The following ZFYVE28 variants were observed in gnomAD, a reference collection of about 807,000 sequenced individuals.
The protein encoded by ZFYVE28 is zinc finger FYVE-type containing 28, also known as lateral signaling target protein 2 homolog.
ZFYVE28 carries 40 observed loss-of-function variants against 82.1 expected under a neutral mutation model. The observed-to-expected ratio is 0.49, with a 90% CI of 0.38 to 0.63. The LOEUF (loss-of-function observed/expected upper bound fraction) is 0.63. Ranked by LOEUF, ZFYVE28 falls within the 30% of genes least tolerant of loss-of-function variation. The pLI, the probability that ZFYVE28 is intolerant of heterozygous loss-of-function variation, is 0.00. For missense variants in ZFYVE28, 1,321 were observed against 1,242.1 expected, an observed-to-expected ratio of 1.06 and a Z score of -0.96; for synonymous variants, 612 against 546.1, an observed-to-expected ratio of 1.12 and a Z score of -1.68.
At chr4:2,383,027 T>G (rs1728886422) in intron 1 of ZFYVE28, among the ~76,000 whole-genome samples, 1 of 152,114 alleles carries the variant, frequency 6.6e-6, no homozygotes, top group Non-Finnish European at 1.5e-5. Context: ...CCTGGGTCCC[T>G]CTCACAACAT....
At chr4:2,402,424 G>A (rs994784670) in intron 1 of ZFYVE28, among the ~76,000 whole-genome samples, 8 of 152,206 alleles carry the variant, frequency 5.3e-5, no homozygotes, top group African/African-American at 9.6e-5. Flanking sequence ...GCTTGGCTAT[G>A]GTCCCCAGAA....
At chr4:2,375,904 G>T (rs958767411) in intron 1 of ZFYVE28, among the ~76,000 whole-genome samples, 2 of 149,614 alleles carry the variant, frequency 1.3e-5, no homozygotes, top group Non-Finnish European at 3.0e-5. Flanking sequence ...ATGGAGTTTC[G>T]CTCTTTTTGC....
rs182055101 is a variant in ZFYVE28, at chr4:2,388,720, T to C, written c.39+29565A>G. ...TTTACGTGAAGGGCTCAGCTCCACT[T>C]CCGAGGGCTGGGTCTAACAGGATCC... On this transcript the variant is annotated intron_variant, in intron 1 of 12. Transcript: ENST00000290974. 3.9e-4 allele frequency among the ~76,000 whole-genome samples: 60 copies of C among 152,186 alleles called. No individual in the cohort carries two copies. In the East Asian group the frequency reaches 0.01, roughly 26 times the overall value.
chr4:2,319,655 C>T (rs1268300459), intron 7 of ZFYVE28, among the ~76,000 whole-genome samples: 1 of 152,190 alleles, frequency 6.6e-6, no homozygotes, highest in African/African-American at 2.4e-5. Flanking sequence ...CTCAGGCCAC[C>T]CAGCAAAGCC....
intron 6 of ZFYVE28, among the ~76,000 whole-genome samples, chr4:2,327,966 A>G (rs1720122306): frequency 6.6e-6 from 1 of 152,230 alleles, no homozygotes; most frequent in African/African-American, 2.4e-5. Flanking sequence ...TAGGAATGTA[A>G]ATTGGTACAG....
In ZFYVE28 at chr4:2,354,068, C is replaced by A; in HGVS notation, c.45G>T (p.Ser15=). 1 of 1,558,988 alleles carries A rather than the reference C, an allele frequency of 6.4e-7. No individual in the cohort carries two copies. Among genetic ancestry groups the A allele is most frequent in the Non-Finnish European group, 8.7e-7 (1 of 1,152,068 alleles). The part of the protein sequence containing the change: ...FRKWLYKPKR[S]DPQLLARFYY... ...AGAACCGGGCAAGCAGCTGCGGATC[C>A]GACCTCTGCAGGAGAGAGGGGCCAG... Residue 15 remains serine (S), a synonymous_variant, in exon 2 of 13, where the codon TCG becomes TCT. Coordinates refer to ENST00000290974, the MANE Select transcript of ZFYVE28 (RefSeq NM_020972.3).
chr4:2,370,968 C>T (rs759845311), intron 1 of ZFYVE28, among the ~76,000 whole-genome samples: 6 of 152,224 alleles, frequency 3.9e-5, no homozygotes, highest in African/African-American at 9.6e-5. Flanking sequence ...CTGTCCACCA[C>T]GAAGACCCCC....
chr4:2,375,871 C>A (rs1043445988), intron 1 of ZFYVE28, among the ~76,000 whole-genome samples: 1 of 126,814 alleles, frequency 7.9e-6, no homozygotes, highest in South Asian at 2.6e-4. Flanking sequence ...ATATTCTGGT[C>A]AAATAATTTT....
intron 7 of ZFYVE28, among the ~76,000 whole-genome samples, chr4:2,317,266 G>C (rs916945394): frequency 1.3e-5 from 2 of 152,178 alleles, no homozygotes; most frequent in African/African-American, 4.8e-5. Context: ...GGGATTACAG[G>C]AGTGAGCCAC....
At chr4:2,355,627 G>A (rs1206290253) in intron 1 of ZFYVE28, among the ~76,000 whole-genome samples, 1 of 151,622 alleles carries the variant, frequency 6.6e-6, no homozygotes. Flanking sequence ...GCCCAGGCTG[G>A]AGTACAGTGG....
intron 1 of ZFYVE28, among the ~76,000 whole-genome samples, chr4:2,373,560 TC>T (rs1444012663): frequency 1.3e-5 from 2 of 152,196 alleles, no homozygotes; most frequent in African/African-American, 4.8e-5. Flanking sequence ...AAACAGTGTT[TC>T]CTGGAGCTGA....
rs189159387 is a variant in ZFYVE28, at chr4:2,378,529, T to C, written c.40-24456A>G. Among the ~76,000 whole-genome samples, 1,114 of 152,296 alleles carry C rather than the reference T, an allele frequency of 7.3e-3. 27 individuals are homozygous for C. Among genetic ancestry groups the C allele is most frequent in the African/African-American group, 0.025 (1,049 of 41,548 alleles). ...CAAATACAGCTTTTCCATCATTCTT[T>C]CCTCTCCACTCTCTCCCTGGGACTC... On this transcript the variant is annotated intron_variant, in intron 1 of 12. Transcript: ENST00000290974.
Position 2,320,260 on chromosome 4 carries a change from A to G in ZFYVE28, c.713T>C (p.Val238Ala). ...PRLAIVCGLV[V>A]YADGPLNLDR... ...CAAGTTCAGAGGTCCGTCCGCATAG[A>G]CCACGAGGCCACTGCATTTGAGACA... Residue 238 changes from valine (V) to alanine (A), a missense_variant, in exon 7 of 13, where the codon GTC becomes GCC. Val to Ala is a moderately conservative substitution (Grantham distance 64). Around this residue, in one of 2 missense-constraint regions of ZFYVE28, gnomAD observed 343 missense variants for 408.4 expected, o/e 0.84. Transcript: ENST00000290974. This position sits in a 1 kb window ranked among gnomAD's most constrained non-coding sequence, Gnocchi z 5.1. 6.2e-7 allele frequency: 1 copy of G among 1,613,980 alleles called. No homozygotes were observed. Among genetic ancestry groups the G allele is most frequent in the Non-Finnish European group, 8.5e-7 (1 of 1,179,970 alleles).
intron 1 of ZFYVE28, among the ~76,000 whole-genome samples, chr4:2,383,599 C>T (rs947635771): frequency 4.6e-5 from 7 of 152,194 alleles, no homozygotes; most frequent in East Asian, 1.9e-4. Flanking sequence ...ATGCTGCTTT[C>T]GGTCACCTCC....
intron 2 of ZFYVE28, among the ~76,000 whole-genome samples, chr4:2,349,520 TA>T (rs1009742741): frequency 3.6e-4 from 54 of 151,860 alleles, no homozygotes; most frequent in African/African-American, 1.1e-3. Context: ...AGTATAATAA[TA>T]AAAAAAATAA....
intron 1 of ZFYVE28, among the ~76,000 whole-genome samples, chr4:2,355,485 T>C (rs1198990974): frequency 6.6e-6 from 1 of 150,858 alleles, no homozygotes; most frequent in Non-Finnish European, 1.5e-5. Context: ...TTTTACTATG[T>C]TGGCCAGGCT....
At chr4:2,325,841 C>T (rs1451414282) in intron 6 of ZFYVE28, among the ~76,000 whole-genome samples, 6 of 152,060 alleles carry the variant, frequency 3.9e-5, no homozygotes, top group Admixed American at 1.3e-4. Context: ...AATCCTCTTG[C>T]CTCGGCATCC....
intron 8 of ZFYVE28, among the ~76,000 whole-genome samples, chr4:2,282,888 C>A (rs79252483): frequency 1.3e-5 from 2 of 149,800 alleles, no homozygotes; most frequent in Non-Finnish European, 2.9e-5. Context: ...GGCTAGCCTG[C>A]GTAACATAGC....
At chr4:2,302,977 G>C (rs369149867) in intron 8 of ZFYVE28, among the ~76,000 whole-genome samples, 8 of 152,348 alleles carry the variant, frequency 5.3e-5, no homozygotes, top group East Asian at 1.9e-4. Flanking sequence ...CCCTCGTTAA[G>C]CCGAGCCATC....
Sources: allele counts gnomAD v4.1 joint callset (sites outside exome capture counted in the v4.1 genomes callset), GRCh38; gene constraint gnomAD v4.1.1; regional missense constraint gnomAD v4.1.1; non-coding constraint Gnocchi (gnomAD v3.1); transcripts MANE v1.5; gene names NCBI Gene and HGNC (gene_info 2026-07-23, HGNC 2026-07-21).